The following TGM3 variants were observed in gnomAD, a reference collection of about 807,000 sequenced individuals.
The protein encoded by TGM3 is protein-glutamine gamma-glutamyltransferase E.
A neutral mutation model predicts 73.8 loss-of-function variants in TGM3; 52 were observed. That is an observed-to-expected ratio of 0.70 (90% confidence interval 0.56 to 0.89). The LOEUF (loss-of-function observed/expected upper bound fraction) is 0.89, where lower values mean the gene tolerates loss of function less well. Ranked by LOEUF, TGM3 falls within the 40% of genes least tolerant of loss-of-function variation. The pLI, the probability that TGM3 is intolerant of heterozygous loss-of-function variation, is 0.00. For synonymous variants in TGM3, 372 were observed against 354.9 expected, an observed-to-expected ratio of 1.05 and a Z score of -0.54; for missense variants, 928 against 909.9, an observed-to-expected ratio of 1.02 and a Z score of -0.26.
chr20:2,335,297 G>T, intron 11 of TGM3, 24 bp downstream of exon 11: 2 of 1,613,060 alleles, frequency 1.2e-6, no homozygotes, highest in Non-Finnish European at 8.5e-7. Flanking sequence ...CCATCCTGTG[G>T]GAAGGGGTTC....
intron 1 of TGM3, among the ~76,000 whole-genome samples, chr20:2,306,743 C>T (rs1017035610): frequency 6.6e-6 from 1 of 152,176 alleles, no homozygotes; most frequent in Non-Finnish European, 1.5e-5. Flanking sequence ...TCCCAAAATG[C>T]TGGGATTACA....
chr20:2,302,644 C>T (rs536702104), intron 1 of TGM3, among the ~76,000 whole-genome samples: 1 of 131,652 alleles, frequency 7.6e-6, no homozygotes, highest in East Asian at 2.4e-4. Context: ...ACACTCCAGA[C>T]AGCAGAATGG....
At chr20:2,325,410 A>G (rs576572118) in intron 7 of TGM3, among the ~76,000 whole-genome samples, 27 of 152,276 alleles carry the variant, frequency 1.8e-4, no homozygotes, top group African/African-American at 6.3e-4. Context: ...CAGCAACCCC[A>G]TTCATTTTCG....
In TGM3 at chr20:2,340,579, T is replaced by G; in HGVS notation, c.2080T>G (p.Ter694GlyextTer22). 6.2e-7 allele frequency: 1 copy of G among 1,614,136 alleles called. No homozygotes were observed. Among genetic ancestry groups the G allele is most frequent in the South Asian group, 1.1e-5 (1 of 91,084 alleles). Reference protein sequence around the residue: ...KAMLSIDVAE* With the variant: ...KAMLSIDVAEG ...CATGTTGTCCATCGATGTAGCCGAA[T>G]GAAGGGCGCTGGTGGCCTCCCGTAC... Residue 694 changes from the stop codon to glycine, a stop_lost, in exon 13 of 13, where the codon TGA becomes GGA. Coordinates refer to ENST00000381458, the MANE Select transcript of TGM3 (RefSeq NM_003245.4).
intron 5 of TGM3, among the ~76,000 whole-genome samples, chr20:2,316,472 G>T (rs1007009166): frequency 6.6e-6 from 1 of 151,994 alleles, no homozygotes. Flanking sequence ...TGAGCCAGGA[G>T]AATTGCTTGA....
At chr20:2,310,982 C>T (rs778456151) in intron 3 of TGM3, 29 bp from the exon 4 acceptor site, 23 of 1,586,088 alleles carry the variant, frequency 1.5e-5, no homozygotes, top group Admixed American at 5.0e-5. Flanking sequence ...GGATTCTAGT[C>T]GCTGGTGTCT....
rs1353104635 is a variant in TGM3 at position 2,332,790 on chromosome 20, G to A, written c.1642+480G>A. On this transcript the variant is annotated intron_variant, in intron 10 of 12. Transcript: ENST00000381458. The surrounding 1 kb of genome is among the most constrained non-coding windows in gnomAD (Gnocchi z 4.4). ...TCCAGAGCCACCCCCTGTTTTCTAT[G>A]TTGTATTGTTCTTACCCACCTCACC... 6.6e-6 allele frequency among the ~76,000 whole-genome samples: 1 copy of A among 152,166 alleles called. No homozygotes were observed. The highest frequency in any genetic ancestry group is 1.5e-5 in the Non-Finnish European group (1 of 68,038).
chr20:2,332,196 A>G lies in TGM3; in HGVS notation c.1528A>G (p.Arg510Gly), dbSNP rs771146316. The stretch of plus-strand genomic sequence containing the variant: ...GGTCCTACTGCTCAAAAACCTGAGC[A>G]GGGATACGAAGACAGTGACAGTGAA... ...NLVLLLKNLS[R>G]DTKTVTVNMT... Residue 510 changes from arginine to glycine, a missense_variant, in exon 10 of 13, where the codon AGG becomes GGG. Coordinates refer to ENST00000381458, the MANE Select transcript of TGM3 (RefSeq NM_003245.4). The surrounding 1 kb of genome is among the most constrained non-coding windows in gnomAD (Gnocchi z 4.4). 1 of 1,614,132 alleles carries G rather than the reference A, an allele frequency of 6.2e-7. No individual in the cohort carries two copies. Among genetic ancestry groups the G allele is most frequent in the Non-Finnish European group, 8.5e-7 (1 of 1,179,988 alleles).
chr20:2,340,033 C>CGGGGGGGGGGGGGGGGGGGG, intron 12 of TGM3, 46 bp downstream of exon 12: 37 of 196,584 alleles, frequency 1.9e-4, no homozygotes, highest in Non-Finnish European at 3.0e-4. Context: ...CGGGAGGGGG[C>CGGGGGGGGGGGGGGGGGGGG]GGGGGGGCCC....
intron 11 of TGM3, among the ~76,000 whole-genome samples, chr20:2,337,830 A>G (rs545690585): frequency 6.6e-6 from 1 of 152,332 alleles, no homozygotes; most frequent in African/African-American, 2.4e-5. Context: ...TTTGCTATAC[A>G]TCTTCCAGAT....
chr20:2,339,736 C>A, intron 11 of TGM3, 118 bp from the exon 12 acceptor site: 1 of 1,418,584 alleles, frequency 7.0e-7, no homozygotes, highest in East Asian at 2.3e-5. Flanking sequence ...ATGGTCTCCC[C>A]TTCTTCATCC....
chr20:2,334,768 A>AC lies in TGM3; in HGVS notation c.1643-344dup, dbSNP rs1311313074. On this transcript the variant is annotated intron_variant, in intron 10 of 12. Transcript: ENST00000381458. The surrounding 1 kb of genome is among the most constrained non-coding windows in gnomAD (Gnocchi z 4.0). ...AGACCAGCCTGGACAACATAGAGAG[A>AC]CCCCATCTCTACAAATAATTTAAAA... Among the ~76,000 whole-genome samples, 11 of 152,016 alleles carry AC rather than the reference A, an allele frequency of 7.2e-5. No individual in the cohort carries two copies. Among genetic ancestry groups the AC allele is most frequent in the Non-Finnish European group, 1.3e-4 (9 of 67,998 alleles).
At position 2,335,212 on chromosome 20, in the gene TGM3, A is replaced by T; in HGVS notation, c.1739A>T (p.Asp580Val). ...IRITAVCKVP[D>V]ESEVVVERDI... Reference sequence around the variant, plus strand: ...ATCACAGCGGTGTGCAAGGTCCCAGATGAGTCTGAGGTGGTGGTGGAGCGG... The same window carrying T: ...ATCACAGCGGTGTGCAAGGTCCCAGTTGAGTCTGAGGTGGTGGTGGAGCGG... Residue 580 changes from aspartate (D) to valine (V), a missense_variant, in exon 11 of 13, where the codon GAT becomes GTT. Physicochemically the swap from Asp to Val is radical, Grantham distance 152. Coordinates refer to ENST00000381458, the MANE Select transcript of TGM3 (RefSeq NM_003245.4). The T allele has an allele frequency of 6.2e-7, 1 of 1,614,208 alleles. No homozygotes were observed. Among genetic ancestry groups the T allele is most frequent in the Non-Finnish European group, 8.5e-7 (1 of 1,180,026 alleles).
At chr20:2,302,510 C>T (rs1314290483) in intron 1 of TGM3, among the ~76,000 whole-genome samples, 2 of 152,092 alleles carry the variant, frequency 1.3e-5, no homozygotes, top group Non-Finnish European at 2.9e-5. Flanking sequence ...CAGTTCTGGG[C>T]AGGCCAGGTG....
At chr20:2,312,178 T>C (rs999427146) in intron 4 of TGM3, among the ~76,000 whole-genome samples, 1 of 151,932 alleles carries the variant, frequency 6.6e-6, no homozygotes, top group Non-Finnish European at 1.5e-5. Flanking sequence ...GGCGGGTGGA[T>C]CACCTGAGGT....
At chr20:2,297,279 T>C (rs2084114618) in intron 1 of TGM3, among the ~76,000 whole-genome samples, 1 of 152,218 alleles carries the variant, frequency 6.6e-6, no homozygotes, top group Admixed American at 6.5e-5. Flanking sequence ...CCTACATAAG[T>C]GCACATAACA....
At chr20:2,333,026 G>A (rs2084329547) in intron 10 of TGM3, among the ~76,000 whole-genome samples, 1 of 152,200 alleles carries the variant, frequency 6.6e-6, no homozygotes, top group Non-Finnish European at 1.5e-5. Context: ...GATGGGAAGG[G>A]AACAAGGTGG....
Position 2,340,006 on chromosome 20 carries a change from T to C in TGM3, c.1934+19T>C. 2 of 401,064 alleles carry C rather than the reference T, an allele frequency of 5.0e-6. No individual in the cohort carries two copies. Among genetic ancestry groups the C allele is most frequent in the Non-Finnish European group, 9.3e-6 (2 of 215,832 alleles). 24.8% of individuals were successfully genotyped at this position (401,064 alleles called of 1,614,324 possible). On this transcript the variant is annotated intron_variant, in intron 12 of 12. Transcript: ENST00000381458. ...AGATCGAGTGAGTCCTGGGCCTAAG[T>C]GGCCGGTGCAGGAGGGCGGGAGGGG...
chr20:2,312,799 A>T (rs2084213864), intron 4 of TGM3, 99 bp from the exon 5 acceptor site: 3 of 1,524,942 alleles, frequency 2.0e-6, no homozygotes, highest in Non-Finnish European at 2.7e-6. Flanking sequence ...GAGTCAAAGG[A>T]TCTGATAGTT....
Sources: gnomAD v4.1 joint callset for allele counts (sites outside exome capture counted in the v4.1 genomes callset) on GRCh38, gnomAD v4.1.1 for gene constraint, Gnocchi (gnomAD v3.1) non-coding constraint, MANE v1.5 for transcripts, NCBI Gene and HGNC (gene_info 2026-07-23, HGNC 2026-07-21) for gene names.